Variants in RANBP2 observed in about 807,000 individuals in gnomAD.
RANBP2 encodes the protein RAN binding protein 2, also known as E3 SUMO-protein ligase RanBP2.
Under a neutral mutation model 303.6 loss-of-function variants are expected in RANBP2, and 57 were observed. The ratio of observed to expected loss-of-function variants is 0.19; its 90% CI spans 0.15 to 0.23. The LOEUF is 0.23. RANBP2 is among the 10% of genes least tolerant of loss of function. RANBP2 has a pLI of 1.00. For synonymous variants in RANBP2, 1,167 were observed against 1,301.5 expected (o/e 0.90, Z 2.23); for missense variants, 3,138 against 3,780.8 (o/e 0.83, Z 4.46).
the RANBP2 span, among the ~76,000 whole-genome samples, chr2:109,123,315 T>C: frequency 1.4e-5 from 2 of 140,414 alleles, no homozygotes; most frequent in East Asian, 2.1e-4. Context: ...GTGGCTTTTC[T>C]TTCTTTCCTT....
chr2:109,089,154 G>A, the RANBP2 span, among the ~76,000 whole-genome samples: 6 of 152,252 alleles, frequency 3.9e-5, no homozygotes, highest in East Asian at 3.9e-4. Context: ...CGCTTCCTTC[G>A]GGAGAGCCAG....
the RANBP2 span, among the ~76,000 whole-genome samples, chr2:109,387,767 T>A: frequency 6.6e-6 from 1 of 152,236 alleles, no homozygotes; most frequent in Non-Finnish European, 1.5e-5. Context: ...GGGTTTTGTC[T>A]GTATTTATTT....
chr2:109,058,478 A>G, the RANBP2 span, among the ~76,000 whole-genome samples: 2 of 152,206 alleles, frequency 1.3e-5, no homozygotes, highest in African/African-American at 2.4e-5. Context: ...TGAGATATTT[A>G]TAGACTCCTT....
the RANBP2 span, among the ~76,000 whole-genome samples, chr2:109,329,133 T>C: frequency 2.6e-5 from 4 of 152,302 alleles, no homozygotes; most frequent in Non-Finnish European, 1.5e-5. Context: ...TTCCCCTCTC[T>C]CCTACATTGG....
the RANBP2 span, among the ~76,000 whole-genome samples, chr2:108,810,992 T>C: frequency 6.6e-6 from 1 of 152,168 alleles, no homozygotes. Context: ...ATGATCTCTG[T>C]AGTCTCTAGT....
the RANBP2 span, among the ~76,000 whole-genome samples, chr2:108,806,581 G>T: frequency 6.6e-6 from 1 of 152,146 alleles, no homozygotes; most frequent in Non-Finnish European, 1.5e-5. Context: ...CTCTCTTTCA[G>T]TGACCCAGCT....
At chr2:109,484,076 T>C in the RANBP2 span, among the ~76,000 whole-genome samples, 1 of 150,610 alleles carries the variant, frequency 6.6e-6, no homozygotes, top group East Asian at 1.9e-4. Flanking sequence ...TCTTTTTTTT[T>C]TTTTTTTTTG....
chr2:108,791,691 GAT>G, the RANBP2 span: 3 of 1,607,474 alleles, frequency 1.9e-6, no homozygotes. Flanking sequence ...TGATGAACTG[GAT>G]TCTTTCCATG....
At chr2:108,838,272 C>G in the RANBP2 span, among the ~76,000 whole-genome samples, 1 of 151,966 alleles carries the variant, frequency 6.6e-6, no homozygotes, top group South Asian at 2.1e-4. Flanking sequence ...GCAATCTCTC[C>G]CCAACTGGAA....
At chr2:109,673,722 G>A in the RANBP2 span, among the ~76,000 whole-genome samples, 1 of 152,080 alleles carries the variant, frequency 6.6e-6, no homozygotes, top group African/African-American at 2.4e-5. Context: ...AAATTAGCTG[G>A]GCAAGGTGGT....
the RANBP2 span, among the ~76,000 whole-genome samples, chr2:109,120,784 T>C: frequency 5.9e-5 from 9 of 151,944 alleles, no homozygotes; most frequent in East Asian, 1.2e-3. Context: ...AGGGGTCCTG[T>C]TGACTTTCCC....
At chr2:109,219,789 T>C in the RANBP2 span, among the ~76,000 whole-genome samples, 4 of 152,176 alleles carry the variant, frequency 2.6e-5, no homozygotes, top group Non-Finnish European at 4.4e-5. Flanking sequence ...TACAAATAAG[T>C]GGAAATGCAT....
At chr2:109,062,404 G>T in the RANBP2 span, among the ~76,000 whole-genome samples, 1 of 152,144 alleles carries the variant, frequency 6.6e-6, no homozygotes, top group South Asian at 2.1e-4. Context: ...CAACCAGACC[G>T]CATTGGAGGG....
chr2:109,585,697 A>G, the RANBP2 span: 1 of 1,475,340 alleles, frequency 6.8e-7, no homozygotes, highest in Admixed American at 1.7e-5. Context: ...GGAACAACTT[A>G]GAGGAAGAGT....
At chr2:109,413,320 G>T in the RANBP2 span, among the ~76,000 whole-genome samples, 2 of 152,150 alleles carry the variant, frequency 1.3e-5, no homozygotes, top group African/African-American at 2.4e-5. Flanking sequence ...CACCATGTTG[G>T]CCAGGCTGGT....
chr2:109,704,007 A>C, the RANBP2 span, among the ~76,000 whole-genome samples: 26 of 152,278 alleles, frequency 1.7e-4, no homozygotes, highest in African/African-American at 4.8e-4. Flanking sequence ...ATCACTTCTC[A>C]CACTGAGGGA....
chr2:109,588,592 C>CA, the RANBP2 span, among the ~76,000 whole-genome samples: 1 of 152,042 alleles, frequency 6.6e-6, no homozygotes, highest in Admixed American at 6.6e-5. Flanking sequence ...CCCCCAGGTT[C>CA]AAGGGATTAT....
chr2:108,999,203 T>A, the RANBP2 span, among the ~76,000 whole-genome samples: 1 of 152,182 alleles, frequency 6.6e-6, no homozygotes, highest in Non-Finnish European at 1.5e-5. Context: ...GGGTTCTTCA[T>A]CTGAAAAGTG....
In RANBP2 at chr2:108,735,652, C is replaced by T. The variant is rs543844917; in HGVS notation, c.526C>T (p.Arg176Cys). The part of the protein sequence containing the change: ...HVNIRLVEVY[R>C]STKRLKDAVA... The stretch of plus-strand genomic sequence containing the variant: ...GAACATCCGGCTAGTGGAGGTGTAT[C>T]GCTCAACTAAAAGATTGAAGGATGC... The change falls in exon 5 of 29, where the codon CGC becomes TGC. Residue 176 changes from arginine (R) to cysteine (C), a missense_variant. Transcript: ENST00000283195. 40 of 1,597,572 alleles carry T rather than the reference C, an allele frequency of 2.5e-5. No individual in the cohort carries two copies. The East Asian group carries it at 2.9e-4, about 12-fold the overall frequency.
Sources: allele counts gnomAD v4.1 joint callset (sites outside exome capture counted in the v4.1 genomes callset), GRCh38; gene constraint gnomAD v4.1.1; transcripts MANE v1.5; gene names NCBI Gene and HGNC (gene_info 2026-07-23, HGNC 2026-07-21).